MMP26: variants seen among roughly 807,000 people sequenced by gnomAD.
The protein encoded by MMP26 is matrix metallopeptidase 26, also known as matrix metalloproteinase-26.
In MMP26, 33 loss-of-function variants were observed where a neutral mutation model predicts 31.0. The observed-to-expected ratio is 1.06, with a 90% CI of 0.81 to 1.42. The LOEUF (loss-of-function observed/expected upper bound fraction) is 1.42. Ranked by LOEUF, MMP26 falls within the 40% of genes most tolerant of loss-of-function variation. The pLI is 0.00. For missense variants in MMP26, 347 were observed against 316.1 expected (o/e 1.10, Z -0.74); for synonymous variants, 122 against 114.9 (o/e 1.06, Z -0.40).
intron 2 of MMP26, chr11:4,822,384 T>C: frequency 6.9e-7 from 1 of 1,457,528 alleles, no homozygotes; most frequent in Non-Finnish European, 9.1e-7. Context: ...ATCAGCTATT[T>C]CTGATTAGAG....
intron 1 of MMP26, among the ~76,000 whole-genome samples, chr11:4,738,823 T>A (rs1001256841): frequency 1.3e-5 from 2 of 152,190 alleles, no homozygotes; most frequent in African/African-American, 4.8e-5. Context: ...AAAACCTCTA[T>A]GATCATGGAA....
At chr11:4,803,530 A>T in intron 2 of MMP26, 1 of 1,614,068 alleles carries the variant, frequency 6.2e-7, no homozygotes, top group Non-Finnish European at 8.5e-7. Context: ...AGGTATCAGT[A>T]GATAGAGATT....
intron 1 of MMP26, among the ~76,000 whole-genome samples, chr11:4,743,525 C>A (rs896327915): frequency 4.6e-5 from 7 of 152,124 alleles, no homozygotes; most frequent in Non-Finnish European, 8.8e-5. Context: ...TTTTCCTTAT[C>A]AGCCTGGCAT....
intron 1 of MMP26, among the ~76,000 whole-genome samples, chr11:4,748,679 CT>C (rs200910227): frequency 0.041 from 6,152 of 150,700 alleles, 415 homozygotes; most frequent in African/African-American, 0.14. Flanking sequence ...CATAAGCAGA[CT>C]TTTTTTAAAA....
chr11:4,847,465 A>G (rs1849888551), intron 2 of MMP26: 1 of 124,242 alleles, frequency 8.0e-6, no homozygotes, highest in Non-Finnish European at 1.9e-5. Flanking sequence ...AATTTAAAAA[A>G]TTAAATTAAA....
chr11:4,950,236 G>A lies in MMP26; in HGVS notation c.-144-37832G>A, dbSNP rs548250283. Among the ~76,000 whole-genome samples, 26 of 122,622 alleles carry A rather than the reference G, an allele frequency of 2.1e-4. 4 individuals are homozygous for A. The highest frequency in any genetic ancestry group is 5.8e-4 in the African/African-American group (21 of 36,512). 80.4% of individuals were successfully genotyped at this position (122,622 alleles called of 152,430 possible). A position where few individuals can be genotyped will look rare whatever the true frequency, so the allele number is the denominator to read the frequency against. ...ATTTTCATGATTTGGGATAACCATG[G>A]ATACAACCAGGAAAAACAAATTTCA... is the stretch of plus-strand genomic sequence containing the variant. On this transcript the variant is annotated intron_variant, in intron 2 of 7. Transcript: ENST00000380390.
In MMP26 at chr11:4,959,237, C is replaced by CA. The variant is rs57867455; in HGVS notation, c.-144-28804dup. Among the ~76,000 whole-genome samples the CA allele has an allele frequency of 9.1e-4, 68 of 74,464 alleles. 1 individual carries two copies. The highest frequency in any genetic ancestry group is 3.2e-3 in the African/African-American group (64 of 19,996). 48.9% of individuals were successfully genotyped at this position (74,464 alleles called of 152,430 possible). On this transcript the variant is annotated intron_variant, in intron 2 of 7. Transcript: ENST00000380390. Reference sequence around the variant, plus strand: ...TGGGCGACAGAGAGAAACTCTGTCTCAAAAAAAAAAAAAAAAAAAAAAAAA... The same window carrying CA: ...TGGGCGACAGAGAGAAACTCTGTCTCAAAAAAAAAAAAAAAAAAAAAAAAAA...
chr11:4,848,544 A>C (rs748395966), intron 2 of MMP26: 1 of 1,612,744 alleles, frequency 6.2e-7, no homozygotes, highest in East Asian at 2.2e-5. Context: ...ATAGGAGAAG[A>C]AAATAAGCAG....
In MMP26 at chr11:4,953,831, C is replaced by T. The variant is rs772565080; in HGVS notation, c.-144-34237C>T. ...CTTTGGGAGGCCAAGGCAGGCGGAT[C>T]ACTTGAGGTCAGGAGTTTGAGACCA... On this transcript the variant is annotated intron_variant, in intron 2 of 7. Transcript: ENST00000380390. Among the ~76,000 whole-genome samples, 48 of 124,998 alleles carry T rather than the reference C, an allele frequency of 3.8e-4. 16 individuals carry two copies. The highest frequency in any genetic ancestry group is 6.2e-4 in the Admixed American group (7 of 11,262). 82.0% of individuals were successfully genotyped at this position (124,998 alleles called of 152,430 possible).
chr11:4,924,293 A>C (rs1374270694), intron 2 of MMP26: 1 of 1,613,278 alleles, frequency 6.2e-7, no homozygotes, highest in African/African-American at 1.3e-5. Flanking sequence ...GAAGCCCGTC[A>C]GGAAGAAAGT....
At chr11:4,908,398 G>A in intron 2 of MMP26, 2 of 1,079,366 alleles carry the variant, frequency 1.9e-6, no homozygotes, top group South Asian at 2.6e-5. Flanking sequence ...CACTAATGAA[G>A]GACTGGATGA....
chr11:4,741,535 C>A (rs11033652), intron 1 of MMP26, among the ~76,000 whole-genome samples: 17,607 of 151,658 alleles, frequency 0.12, 1,083 homozygotes, highest in Non-Finnish European at 0.13. Flanking sequence ...ATCCTCAGCA[C>A]ACTACTACAG....
Position 4,821,852 on chromosome 11 carries a change from C to G in MMP26, c.-145+54511C>G, listed in dbSNP as rs760720172. Reference sequence around the variant, plus strand: ...ACCATCCTTACCAATGCCCGAATTGCCAAGATTGGGATGAGCATGTTGATA... The same window carrying G: ...ACCATCCTTACCAATGCCCGAATTGGCAAGATTGGGATGAGCATGTTGATA... On this transcript the variant is annotated intron_variant, in intron 2 of 7. Coordinates refer to ENST00000380390, the MANE Select transcript of MMP26 (RefSeq NM_021801.5). 3.1e-6 allele frequency: 5 copies of G among 1,613,670 alleles called. No individual in the cohort carries two copies. The East Asian group carries it at 6.7e-5, about 22-fold the overall frequency.
chr11:4,848,588 T>A, intron 2 of MMP26: 2 of 1,604,452 alleles, frequency 1.2e-6, no homozygotes, highest in African/African-American at 1.3e-5. Context: ...GAACCACAAA[T>A]AGGCTGTAGG....
At chr11:4,756,266 C>A (rs7926278) in intron 1 of MMP26, among the ~76,000 whole-genome samples, 9,000 of 151,740 alleles carry the variant, frequency 0.059, 882 homozygotes, top group African/African-American at 0.2. Flanking sequence ...AAATACGGTG[C>A]AAATAAAATA....
intron 2 of MMP26, chr11:4,923,358 C>G: frequency 6.6e-7 from 1 of 1,519,562 alleles, no homozygotes; most frequent in Non-Finnish European, 8.8e-7. Flanking sequence ...CCAAAACTTC[C>G]TCTCTTTACT....
intron 1 of MMP26, among the ~76,000 whole-genome samples, chr11:4,741,163 G>A (rs1848306793): frequency 1.3e-5 from 2 of 152,160 alleles, no homozygotes; most frequent in Non-Finnish European, 2.9e-5. Context: ...ACCATTTGTT[G>A]ATTAGGAGAT....
In MMP26 at chr11:4,921,807, A is replaced by T. The variant is rs147091331; in HGVS notation, c.-144-66261A>T. Among the ~76,000 whole-genome samples the T allele has an allele frequency of 2.8e-3, 421 of 152,296 alleles. 4 individuals are homozygous for T. Among genetic ancestry groups the T allele is most frequent in the Non-Finnish European group, 3.5e-3 (241 of 68,016 alleles). On this transcript the variant is annotated intron_variant, in intron 2 of 7. Transcript: ENST00000380390. ...AGGGAAAGAAGAGGCTCTAAAATAG[A>T]TCTTTATTAATTTTTAAAAAGTTTT...
At chr11:4,845,290 C>A (rs760508253) in intron 2 of MMP26, among the ~76,000 whole-genome samples, 4 of 152,106 alleles carry the variant, frequency 2.6e-5, no homozygotes, top group Non-Finnish European at 5.9e-5. Context: ...ATTCTAAGTT[C>A]ATGGACTGAA....
Sources: gnomAD v4.1 joint callset for allele counts (sites outside exome capture counted in the v4.1 genomes callset) on GRCh38, gnomAD v4.1.1 for gene constraint, MANE v1.5 for transcripts, NCBI Gene and HGNC (gene_info 2026-07-23, HGNC 2026-07-21) for gene names.